Variants in CSMD1 observed in about 807,000 individuals in gnomAD.
CSMD1 encodes CUB and Sushi multiple domains 1, also known as CUB and sushi domain-containing protein 1.
Under a neutral mutation model 417.5 loss-of-function variants are expected in CSMD1, and 213 were observed. The observed-to-expected ratio is 0.51, with a 90% CI of 0.46 to 0.57. CSMD1 has a LOEUF of 0.57. Ranked by LOEUF, CSMD1 falls within the 20% of genes least tolerant of loss-of-function variation. The pLI is 0.00. For missense variants in CSMD1, 6,923 were observed against 4,529.7 expected (o/e 1.53, Z -15.17); for synonymous variants, 2,862 against 1,736.8 (o/e 1.65, Z -16.11).
intron 2 of CSMD1, among the ~76,000 whole-genome samples, chr8:4,466,678 A>G (rs1800189954): frequency 2.0e-5 from 3 of 152,154 alleles, no homozygotes; most frequent in South Asian, 2.1e-4. Flanking sequence ...CTGAGTTGGG[A>G]TATGTTCTCC....
intron 3 of CSMD1, among the ~76,000 whole-genome samples, chr8:4,267,140 A>G (rs1585126252): frequency 9.7e-6 from 1 of 103,478 alleles, no homozygotes; most frequent in African/African-American, 2.6e-5. Flanking sequence ...GGAGAATTAA[A>G]TAAGTATAAT....
intron 10 of CSMD1, among the ~76,000 whole-genome samples, chr8:3,558,303 G>C (rs981117353): frequency 3.5e-5 from 5 of 143,382 alleles, no homozygotes; most frequent in Non-Finnish European, 7.8e-5. Context: ...GGAACTCCGT[G>C]TTCACTCCTC....
In CSMD1 at chr8:4,059,012, C is replaced by G. The variant is rs186134627; in HGVS notation, c.416-26913G>C. Among the ~76,000 whole-genome samples the G allele has an allele frequency of 9.7e-3, 1,482 of 152,142 alleles. 28 individuals carry two copies. Among genetic ancestry groups the G allele is most frequent in the African/African-American group, 0.032 (1,321 of 41,452 alleles). On this transcript the variant is annotated intron_variant, in intron 3 of 69. Coordinates refer to ENST00000635120, the MANE Select transcript of CSMD1 (RefSeq NM_033225.6). ...AAATTCTTTTCAGAACCACACCACA[C>G]CTATTCCAAAATTGACCATACAGTT...
intron 5 of CSMD1, among the ~76,000 whole-genome samples, chr8:3,989,092 C>T (rs1001159819): frequency 1.3e-5 from 2 of 152,194 alleles, no homozygotes; most frequent in Non-Finnish European, 2.9e-5. Flanking sequence ...CTGTTTCTTA[C>T]AGCAGTAAAC....
chr8:4,112,672 C>G (rs1185543107), intron 3 of CSMD1, among the ~76,000 whole-genome samples: 1 of 152,178 alleles, frequency 6.6e-6, no homozygotes, highest in Non-Finnish European at 1.5e-5. Context: ...AAACCCCAGA[C>G]AAGCCCCTAT....
chr8:4,652,560 G>A (rs946488838), intron 1 of CSMD1, among the ~76,000 whole-genome samples: 3 of 151,972 alleles, frequency 2.0e-5, no homozygotes, highest in East Asian at 1.9e-4. Flanking sequence ...GTTGAGGCAG[G>A]AGAATCGCTT....
chr8:4,004,360 A>G (rs1392194476), intron 4 of CSMD1, among the ~76,000 whole-genome samples: 1 of 151,872 alleles, frequency 6.6e-6, no homozygotes, highest in African/African-American at 2.4e-5. Context: ...CACAAACAAT[A>G]TATTTAAAAC....
In CSMD1 at chr8:3,548,212, G is replaced by A. The variant is rs151145322; in HGVS notation, c.1344+26733C>T. Reference sequence around the variant, plus strand: ...TTCCTTTGCCTTCCTCAAGCCACAAGGGCTGATGGAGCCATCTCAGTGCCC... The same window carrying A: ...TTCCTTTGCCTTCCTCAAGCCACAAAGGCTGATGGAGCCATCTCAGTGCCC... On this transcript the variant is annotated intron_variant, in intron 10 of 69. Coordinates refer to ENST00000635120, the MANE Select transcript of CSMD1 (RefSeq NM_033225.6). 8.5e-5 allele frequency among the ~76,000 whole-genome samples: 13 copies of A among 152,268 alleles called. No individual in the cohort carries two copies. In the East Asian group the frequency reaches 2.5e-3, roughly 30 times the overall value.
chr8:3,767,707 G>T (rs911509177), intron 5 of CSMD1, among the ~76,000 whole-genome samples: 1 of 152,104 alleles, frequency 6.6e-6, no homozygotes, highest in Non-Finnish European at 1.5e-5. Context: ...TACAGTGTAT[G>T]TCTACATATA....
chr8:4,157,907 G>T (rs1378519334), intron 3 of CSMD1, among the ~76,000 whole-genome samples: 1 of 152,112 alleles, frequency 6.6e-6, no homozygotes, highest in Non-Finnish European at 1.5e-5. Flanking sequence ...TGCTGAACTT[G>T]GGCTTGTCCC....
chr8:3,603,758 C>T (rs1477264376), intron 8 of CSMD1, among the ~76,000 whole-genome samples: 1 of 152,156 alleles, frequency 6.6e-6, no homozygotes, highest in Non-Finnish European at 1.5e-5. Context: ...TCTAACTTTA[C>T]AAATGTTTCA....
chr8:3,269,026 C>T lies in CSMD1; in HGVS notation c.4153+15118G>A, dbSNP rs113466995. Among the ~76,000 whole-genome samples, 1,126 of 152,288 alleles carry T rather than the reference C, an allele frequency of 7.4e-3. 19 individuals carry two copies. The highest frequency in any genetic ancestry group is 0.026 in the African/African-American group (1,086 of 41,556). ...CCATTTTACATGTCTTGATTCTCTC[C>T]TTCGATTTGTAATCAATCTCGCTAA... is the stretch of plus-strand genomic sequence containing the variant. On this transcript the variant is annotated intron_variant, in intron 26 of 69. Coordinates refer to ENST00000635120, the MANE Select transcript of CSMD1 (RefSeq NM_033225.6).
rs145506984 is a variant in CSMD1, at chr8:3,676,003, T to A, written c.1009+32411A>T. 5.2e-4 allele frequency among the ~76,000 whole-genome samples: 79 copies of A among 152,336 alleles called. 1 individual carries two copies. The highest frequency in any genetic ancestry group is 1.8e-3 in the African/African-American group (73 of 41,592). ...AGTCAGAGACTCTGTAATAGTTTACTGGTTTGGCCTTAGTATCTTATCATT... is the reference window on the plus strand; with the variant it reads ...AGTCAGAGACTCTGTAATAGTTTACAGGTTTGGCCTTAGTATCTTATCATT... On this transcript the variant is annotated intron_variant, in intron 7 of 69. Coordinates refer to ENST00000635120, the MANE Select transcript of CSMD1 (RefSeq NM_033225.6).
In CSMD1 at chr8:3,343,328, A is replaced by G; in HGVS notation, c.3597T>C (p.Ser1199=). The G allele has an allele frequency of 6.2e-7, 1 of 1,613,812 alleles. No homozygotes were observed. Among genetic ancestry groups the G allele is most frequent in the Non-Finnish European group, 8.5e-7 (1 of 1,179,720 alleles). The change falls in exon 23 of 70, where the codon TCT becomes TCC. Residue 1199 remains serine, a synonymous_variant. Coordinates refer to ENST00000635120, the MANE Select transcript of CSMD1 (RefSeq NM_033225.6). The part of the protein sequence containing the change: ...HLWLEFNTNG[S]DTDQGFQLTY... ...TGAGTTGAAAACCTTGGTCGGTGTC[A>G]GATCCATTGGTGTTGAACTCTAGCC...
intron 1 of CSMD1, among the ~76,000 whole-genome samples, chr8:4,941,538 G>A (rs770780473): frequency 3.9e-5 from 6 of 152,042 alleles, no homozygotes; most frequent in Non-Finnish European, 5.9e-5. Flanking sequence ...TTCTTCTGCA[G>A]TCTTTGTCAA....
At chr8:4,766,266 T>G (rs1446448013) in intron 1 of CSMD1, among the ~76,000 whole-genome samples, 2 of 152,174 alleles carry the variant, frequency 1.3e-5, no homozygotes, top group African/African-American at 4.8e-5. Flanking sequence ...GAATATCCTG[T>G]CGTGACTATC....
chr8:4,757,561 G>C (rs537659663), intron 1 of CSMD1, among the ~76,000 whole-genome samples: 1 of 152,248 alleles, frequency 6.6e-6, no homozygotes, highest in Admixed American at 6.5e-5. Flanking sequence ...GACTATTCTG[G>C]ATAGGCTAAG....
chr8:3,457,727 A>T (rs1816246919), intron 12 of CSMD1, among the ~76,000 whole-genome samples: 1 of 152,234 alleles, frequency 6.6e-6, no homozygotes, highest in African/African-American at 2.4e-5. Flanking sequence ...AAACAGAAAT[A>T]CCAAAGAAAA....
rs895412541 is a variant in CSMD1, at chr8:4,601,060, G to A, written c.302+36282C>T. Among the ~76,000 whole-genome samples, 10 of 151,156 alleles carry A rather than the reference G, an allele frequency of 6.6e-5. No individual in the cohort carries two copies. The South Asian group carries it at 1.3e-3, about 19-fold the overall frequency. On this transcript the variant is annotated intron_variant, in intron 2 of 69. Transcript: ENST00000635120. ...CAACCTCCGTCTCCCAGGTTCAAGCGATTCTCCTGCCTCAGCCTCCCAAGT... is the reference window on the plus strand; with the variant it reads ...CAACCTCCGTCTCCCAGGTTCAAGCAATTCTCCTGCCTCAGCCTCCCAAGT...
Sources: gnomAD v4.1 joint callset for allele counts (sites outside exome capture counted in the v4.1 genomes callset) on GRCh38, gnomAD v4.1.1 for gene constraint, MANE v1.5 for transcripts, NCBI Gene and HGNC (gene_info 2026-07-23, HGNC 2026-07-21) for gene names.